ABLIM3: variants seen among roughly 807,000 people sequenced by gnomAD.
The protein encoded by ABLIM3 is actin-binding LIM protein 3.
ABLIM3 carries 61 observed loss-of-function variants against 109.5 expected under a neutral mutation model. The ratio of observed to expected loss-of-function variants is 0.56; its 90% CI spans 0.45 to 0.69. ABLIM3 has a LOEUF of 0.69. Among genes scored for constraint, ABLIM3 ranks in the 30% least tolerant of loss-of-function variants. The pLI is 0.00. For missense variants in ABLIM3, 796 were observed against 889.5 expected (o/e 0.89, Z 1.34); for synonymous variants, 300 against 324.8 (o/e 0.92, Z 0.82).
At position 149,171,634 on chromosome 5, in the gene ABLIM3, G is replaced by T. The variant is rs546147942; in HGVS notation, c.14-11818G>T. 2.6e-5 allele frequency among the ~76,000 whole-genome samples: 4 copies of T among 152,324 alleles called. No homozygotes were observed. The East Asian group carries it at 7.7e-4, about 29-fold the overall frequency. On this transcript the variant is annotated intron_variant, in intron 2 of 23. Transcript: ENST00000309868. ...GAAATTGGCTTCTGCTTTCTGTGAA[G>T]GTTAAGGTTAGGATCTGACAGCTTG... is the stretch of plus-strand genomic sequence containing the variant.
chr5:149,219,457 C>G (rs1760425253), intron 8 of ABLIM3: 1 of 152,240 alleles, frequency 6.6e-6, no homozygotes, highest in Admixed American at 6.5e-5. Context: ...CAGAGTCACT[C>G]TAAACTGTAA....
At chr5:149,142,751 A>G (rs1752593371) in intron 2 of ABLIM3, among the ~76,000 whole-genome samples, 2 of 152,134 alleles carry the variant, frequency 1.3e-5, no homozygotes, top group Admixed American at 1.3e-4. Flanking sequence ...CAGAGGCAAC[A>G]ACTGCTTGCA....
At chr5:149,228,148 G>A (rs1254973308) in intron 8 of ABLIM3, among the ~76,000 whole-genome samples, 1 of 152,134 alleles carries the variant, frequency 6.6e-6, no homozygotes, top group Non-Finnish European at 1.5e-5. Flanking sequence ...TTAGGGACAA[G>A]GGCTTACTGT....
At chr5:149,172,298 A>C (rs1212520245) in intron 2 of ABLIM3, among the ~76,000 whole-genome samples, 1 of 152,250 alleles carries the variant, frequency 6.6e-6, no homozygotes, top group Non-Finnish European at 1.5e-5. Flanking sequence ...CAAAATTCTG[A>C]TTGTACTAAG....
intron 23 of ABLIM3, among the ~76,000 whole-genome samples, chr5:149,253,098 T>C (rs1254985468): frequency 6.6e-6 from 1 of 151,910 alleles, no homozygotes; most frequent in African/African-American, 2.4e-5. Flanking sequence ...AACTTCCCCA[T>C]GCTGTTCTTT....
In ABLIM3 at chr5:149,259,513, G is replaced by T; in HGVS notation, c.*1109G>T. 1 of 1,536,198 alleles carries T rather than the reference G, an allele frequency of 6.5e-7. No homozygotes were observed. The highest frequency in any genetic ancestry group is 2.4e-5 in the East Asian group (1 of 40,920). On this transcript the variant is annotated 3_prime_UTR_variant, in exon 24 of 24. Transcript: ENST00000309868. Reference sequence around the variant, plus strand: ...CCATACCATACCCCCGCCAGTCCTCGGCTCCTGCTGCAAAGTTGGCCATGT... The same window carrying T: ...CCATACCATACCCCCGCCAGTCCTCTGCTCCTGCTGCAAAGTTGGCCATGT...
intron 2 of ABLIM3, among the ~76,000 whole-genome samples, chr5:149,176,237 C>T (rs78613599): frequency 3.9e-3 from 593 of 152,290 alleles, no homozygotes; most frequent in South Asian, 8.9e-3. Context: ...GGCCCTGGAG[C>T]AGCAATCACT....
chr5:149,187,833 T>C (rs192765343), intron 3 of ABLIM3, among the ~76,000 whole-genome samples: 2 of 152,288 alleles, frequency 1.3e-5, no homozygotes, highest in Admixed American at 1.3e-4. Context: ...TCATTCTCTT[T>C]AAATTAGCCA....
chr5:149,246,647 A>T (rs1753391290), intron 17 of ABLIM3, 101 bp downstream of exon 17: 2 of 1,315,284 alleles, frequency 1.5e-6, no homozygotes, highest in Non-Finnish European at 2.1e-6. Flanking sequence ...CCCACTTATG[A>T]TAGAAAAAAG....
At position 149,239,295 on chromosome 5, in the gene ABLIM3, G is replaced by A. The variant is rs1752552265; in HGVS notation, c.1074+18G>A. ...ACTCCCAGGTAATTCAGCTGATAGA[G>A]AATTAAGTTGATATATAATTGTGCC... On this transcript the variant is annotated intron_variant, in intron 12 of 23. Transcript: ENST00000309868. 5.6e-6 allele frequency: 9 copies of A among 1,612,454 alleles called. No individual in the cohort carries two copies. Among genetic ancestry groups the A allele is most frequent in the Non-Finnish European group, 7.6e-6 (9 of 1,178,642 alleles).
chr5:149,210,588 A>G, intron 6 of ABLIM3, 138 bp from the exon 7 acceptor site: 1 of 702,590 alleles, frequency 1.4e-6, no homozygotes, highest in South Asian at 1.7e-5. Context: ...TCTTTCATAC[A>G]GATGAAATTG....
rs904320492 is a variant in ABLIM3, at chr5:149,259,513, G to A, written c.*1109G>A. ...CCATACCATACCCCCGCCAGTCCTC[G>A]GCTCCTGCTGCAAAGTTGGCCATGT... On this transcript the variant is annotated 3_prime_UTR_variant, in exon 24 of 24. Transcript: ENST00000309868. 2.5e-5 allele frequency: 38 copies of A among 1,536,198 alleles called. No individual in the cohort carries two copies. Among genetic ancestry groups the A allele is most frequent in the South Asian group, 1.9e-4 (16 of 84,054 alleles).
rs528794055 is a variant in ABLIM3, at chr5:149,241,128, C to T, written c.1303+354C>T. Among the ~76,000 whole-genome samples, 36 of 152,288 alleles carry T rather than the reference C, an allele frequency of 2.4e-4. No individual in the cohort carries two copies. The South Asian group carries it at 6.2e-3, about 26-fold the overall frequency. On this transcript the variant is annotated intron_variant, in intron 14 of 23. Coordinates refer to ENST00000309868, the MANE Select transcript of ABLIM3 (RefSeq NM_014945.5). ...GCTTCAAAGCTCTTGGGATGGAATC[C>T]GATGCAGCTGCTTATAAGCTCATGA...
chr5:149,160,261 C>T (rs1667382214), intron 2 of ABLIM3, among the ~76,000 whole-genome samples: 1 of 151,964 alleles, frequency 6.6e-6, no homozygotes, highest in Admixed American at 6.5e-5. Flanking sequence ...TCGAGACCAG[C>T]CTGGCCAACA....
At chr5:149,231,634 C>G (rs1457379429) in intron 9 of ABLIM3, among the ~76,000 whole-genome samples, 1 of 152,262 alleles carries the variant, frequency 6.6e-6, no homozygotes, top group African/African-American at 2.4e-5. Context: ...ATGTTTTAAG[C>G]CCTGAATTTC....
chr5:149,158,150 A>G (rs1754014287), intron 2 of ABLIM3, among the ~76,000 whole-genome samples: 1 of 152,176 alleles, frequency 6.6e-6, no homozygotes, highest in Admixed American at 6.5e-5. Context: ...AGTCAACATA[A>G]TTTATTCATG....
chr5:149,174,480 G>T (rs1338127281), intron 2 of ABLIM3: 2 of 152,208 alleles, frequency 1.3e-5, no homozygotes, highest in African/African-American at 4.8e-5. Context: ...AAGACCAGGG[G>T]ACTGAGTCAC....
chr5:149,257,299 C>A (rs975565230), intron 23 of ABLIM3, among the ~76,000 whole-genome samples: 32 of 136,256 alleles, frequency 2.3e-4, no homozygotes, highest in South Asian at 2.3e-4. Flanking sequence ...AACTCTGTCT[C>A]AAAAAAAAAA....
At chr5:149,191,331 C>T (rs182231843) in intron 3 of ABLIM3, among the ~76,000 whole-genome samples, 5 of 152,116 alleles carry the variant, frequency 3.3e-5, no homozygotes, top group Admixed American at 1.3e-4. Context: ...ACTTAGATAA[C>T]AAAATTTATC....
Sources: allele counts gnomAD v4.1 joint callset (sites outside exome capture counted in the v4.1 genomes callset), GRCh38; gene constraint gnomAD v4.1.1; transcripts MANE v1.5; gene names NCBI Gene and HGNC (gene_info 2026-07-23, HGNC 2026-07-21).